The following GALNT15 variants were observed in gnomAD, a reference collection of about 807,000 sequenced individuals.
GALNT15 encodes the protein polypeptide N-acetylgalactosaminyltransferase 15.
GALNT15 carries 67 observed loss-of-function variants against 66.8 expected under a neutral mutation model. The observed-to-expected ratio is 1.00, with a 90% CI of 0.82 to 1.23. The LOEUF (loss-of-function observed/expected upper bound fraction) is 1.23, where lower values mean the gene tolerates loss of function less well. Ranked by LOEUF, GALNT15 falls within the 50% of genes most tolerant of loss-of-function variation. GALNT15 has a pLI of 0.00. For synonymous variants in GALNT15, 313 were observed against 311.5 expected (o/e 1.00, Z -0.05); for missense variants, 827 against 804.3 (o/e 1.03, Z -0.34).
chr3:16,244,318 A>G, the GALNT15 span, among the ~76,000 whole-genome samples: 1 of 152,192 alleles, frequency 6.6e-6, no homozygotes, highest in African/African-American at 2.4e-5. Context: ...CTCAGATAAC[A>G]TTCCTGGCAC....
intron 2 of GALNT15, among the ~76,000 whole-genome samples, chr3:16,197,289 C>T (rs1436246758): frequency 6.6e-6 from 1 of 151,940 alleles, no homozygotes; most frequent in Non-Finnish European, 1.5e-5. Context: ...CCCTGCCAAG[C>T]AATTAAGCTG....
chr3:16,194,148 C>G (rs1239773382), intron 1 of GALNT15, among the ~76,000 whole-genome samples: 3 of 152,210 alleles, frequency 2.0e-5, no homozygotes, highest in Non-Finnish European at 4.4e-5. Context: ...CTTCCCTTCC[C>G]TCGAAGCCTC....
intron 1 of GALNT15, among the ~76,000 whole-genome samples, chr3:16,185,334 G>A (rs2063506482): frequency 6.6e-6 from 1 of 152,228 alleles, no homozygotes; most frequent in South Asian, 2.1e-4. Context: ...TGAGGAGGAA[G>A]CACACTGTTG....
At chr3:16,207,213 T>A (rs1165114726) in intron 3 of GALNT15, among the ~76,000 whole-genome samples, 2 of 152,112 alleles carry the variant, frequency 1.3e-5, no homozygotes, top group African/African-American at 2.4e-5. Flanking sequence ...GGAACAGAGA[T>A]GGAATTTGAT....
chr3:16,194,889 C>G (rs1279635597), intron 1 of GALNT15, among the ~76,000 whole-genome samples: 1 of 152,140 alleles, frequency 6.6e-6, no homozygotes, highest in Non-Finnish European at 1.5e-5. Context: ...GGCTGAATAC[C>G]TAGGTGATGG....
At chr3:16,197,022 G>T (rs182243361) in intron 2 of GALNT15, among the ~76,000 whole-genome samples, 1 of 152,330 alleles carries the variant, frequency 6.6e-6, no homozygotes, top group African/African-American at 2.4e-5. Flanking sequence ...GGGTTCCTGG[G>T]TGCAGCTGGC....
rs1411266653 is a variant in GALNT15 at position 16,229,401 on chromosome 3, G to T, written c.*1901G>T. On this transcript the variant is annotated 3_prime_UTR_variant, in exon 10 of 10. Transcript: ENST00000339732. ...TTCAAATGCTCACTACCCACCTGTG[G>T]CTAGGGTCTACTTCTACTGTATTGG... 1 of 854,242 alleles carries T rather than the reference G, an allele frequency of 1.2e-6. No individual in the cohort carries two copies. The highest frequency in any genetic ancestry group is 1.4e-6 in the Non-Finnish European group (1 of 710,606). The allele number at this position is 854,242 out of a possible 1,614,324, so 52.9% of individuals were successfully genotyped here. A position where few individuals can be genotyped will look rare whatever the true frequency, so the allele number is the denominator to read the frequency against.
intron 3 of GALNT15, among the ~76,000 whole-genome samples, chr3:16,207,268 C>A (rs2063766575): frequency 1.3e-5 from 2 of 152,084 alleles, no homozygotes; most frequent in Non-Finnish European, 2.9e-5. Context: ...TCCCAGGAAT[C>A]TCACTTCTCT....
At chr3:16,212,357 C>A (rs2063825274) in intron 5 of GALNT15, among the ~76,000 whole-genome samples, 1 of 152,130 alleles carries the variant, frequency 6.6e-6, no homozygotes, top group African/African-American at 2.4e-5. Context: ...CATTTTGGGA[C>A]AACTACCTCT....
At position 16,229,490 on chromosome 3, in the gene GALNT15, C is replaced by T. The variant is rs1020154798; in HGVS notation, c.*1990C>T. The T allele has an allele frequency of 3.0e-6, 3 of 983,838 alleles. No homozygotes were observed. In the African/African-American group the frequency reaches 5.2e-5, roughly 17 times the overall value. The allele number at this position is 983,838 out of a possible 1,614,324, so 60.9% of individuals were successfully genotyped here. A position where few individuals can be genotyped will look rare whatever the true frequency, so the allele number is the denominator to read the frequency against. On this transcript the variant is annotated 3_prime_UTR_variant, in exon 10 of 10. Transcript: ENST00000339732. The stretch of plus-strand genomic sequence containing the variant: ...GACCAATCTAGATAGATTCATTATC[C>T]CATCTAGAGAAGAGACTTTAGTCAC...
intron 4 of GALNT15, among the ~76,000 whole-genome samples, chr3:16,210,150 A>G (rs2063797690): frequency 6.6e-6 from 1 of 152,204 alleles, no homozygotes; most frequent in Non-Finnish European, 1.5e-5. Context: ...AGAGCTACAT[A>G]TTTTACATGG....
downstream of GALNT15, among the ~76,000 whole-genome samples, chr3:16,234,744 TTCTTATCAC>T (rs2064115892): frequency 6.6e-6 from 1 of 152,180 alleles, no homozygotes; most frequent in African/African-American, 2.4e-5. Flanking sequence ...AGAGTTATCT[TTCTTATCAC>T]AGTTTAAGCT....
At chr3:16,233,545 TTGTC>T (rs2064105715), downstream of GALNT15, among the ~76,000 whole-genome samples, 1 of 152,204 alleles carries the variant, frequency 6.6e-6, no homozygotes, top group African/African-American at 2.4e-5. Context: ...TTCTTGCTAT[TTGTC>T]TGTGGTCATG....
chr3:16,201,240 G>A (rs554188389), intron 3 of GALNT15, among the ~76,000 whole-genome samples: 9 of 151,856 alleles, frequency 5.9e-5, no homozygotes, highest in Non-Finnish European at 8.8e-5. Flanking sequence ...GGAGTGCAGC[G>A]GGGCGATCTC....
Position 16,195,976 on chromosome 3 carries a change from C to T in GALNT15, c.706+50C>T, listed in dbSNP as rs111249704. The T allele has an allele frequency of 6.6e-5, 104 of 1,582,608 alleles. 1 individual carries two copies. Among genetic ancestry groups the T allele is most frequent in the African/African-American group, 5.4e-4 (40 of 74,008 alleles). On this transcript the variant is annotated intron_variant, in intron 2 of 9. Coordinates refer to ENST00000339732, the MANE Select transcript of GALNT15 (RefSeq NM_054110.5). The surrounding 1 kb of genome is among the most constrained non-coding windows in gnomAD (Gnocchi z 4.6). Reference sequence around the variant, plus strand: ...CGTCTGGGTGAGCCTTACCCCCTGGCGGGTGGAGTTCTCAAGCAAAAGATT... The same window carrying T: ...CGTCTGGGTGAGCCTTACCCCCTGGTGGGTGGAGTTCTCAAGCAAAAGATT...
In GALNT15 at chr3:16,230,153, G is replaced by A. The variant is rs1426044963; in HGVS notation, c.*2653G>A. Among the ~76,000 whole-genome samples, 1 of 151,798 alleles carries A rather than the reference G, an allele frequency of 6.6e-6. No individual in the cohort carries two copies. The highest frequency in any genetic ancestry group is 1.5e-5 in the Non-Finnish European group (1 of 67,838). Reference sequence around the variant, plus strand: ...TGTTCGTTTTTTAAGATTGAATTTTGTTACCACCCCCACCAAGTTCATCAT... The same window carrying A: ...TGTTCGTTTTTTAAGATTGAATTTTATTACCACCCCCACCAAGTTCATCAT... On this transcript the variant is annotated 3_prime_UTR_variant, in exon 10 of 10. Transcript: ENST00000339732. This position sits in a 1 kb window ranked among gnomAD's most constrained non-coding sequence, Gnocchi z 4.5.
At chr3:16,243,996 T>C in the GALNT15 span, 1 of 985,226 alleles carries the variant, frequency 1.0e-6, no homozygotes, top group African/African-American at 1.7e-5. Flanking sequence ...TGACTTTTTC[T>C]TTCTCAGGTC....
intron 2 of GALNT15, among the ~76,000 whole-genome samples, chr3:16,199,752 G>C (rs1422630201): frequency 6.6e-6 from 1 of 152,132 alleles, no homozygotes; most frequent in Non-Finnish European, 1.5e-5. Context: ...ACCCTGCAAT[G>C]GTCAGTCATT....
rs1325205662 is a variant in GALNT15 at position 16,180,264 on chromosome 3, C to G, written c.539+4574C>G. ...TTGAGAACCTCTGCTCTAAGGCACA[C>G]TCTTTATGCCGAACAGACTGGCCAG... On this transcript the variant is annotated intron_variant, in intron 1 of 9. Transcript: ENST00000339732. The surrounding 1 kb of genome is among the most constrained non-coding windows in gnomAD (Gnocchi z 5.0). Among the ~76,000 whole-genome samples the G allele has an allele frequency of 6.6e-6, 1 of 152,254 alleles. No individual in the cohort carries two copies. The highest frequency in any genetic ancestry group is 1.5e-5 in the Non-Finnish European group (1 of 68,050).
Sources: gnomAD v4.1 joint callset for allele counts (sites outside exome capture counted in the v4.1 genomes callset) on GRCh38, gnomAD v4.1.1 for gene constraint, Gnocchi (gnomAD v3.1) non-coding constraint, MANE v1.5 for transcripts, NCBI Gene and HGNC (gene_info 2026-07-23, HGNC 2026-07-21) for gene names.